The following NDST4 variants were observed in gnomAD, a reference collection of about 807,000 sequenced individuals.
The protein encoded by NDST4 is N-heparan sulfate sulfotransferase 4.
Under a neutral mutation model 100.8 loss-of-function variants are expected in NDST4, and 63 were observed. The observed-to-expected ratio is 0.62, with a 90% CI of 0.51 to 0.77. The LOEUF is 0.77. Ranked by LOEUF, NDST4 falls within the 30% of genes least tolerant of loss-of-function variation. NDST4 has a pLI of 0.00. For synonymous variants in NDST4, 377 were observed against 361.8 expected (o/e 1.04, Z -0.48); for missense variants, 943 against 1,018.4 (o/e 0.93, Z 1.01).
At chr4:114,952,687 A>T (rs975015385) in intron 4 of NDST4, among the ~76,000 whole-genome samples, 1 of 152,180 alleles carries the variant, frequency 6.6e-6, no homozygotes, top group African/African-American at 2.4e-5. Context: ...GGAGACTGCT[A>T]GAATAAGCCA....
chr4:114,895,505 C>G (rs114600804), intron 6 of NDST4, among the ~76,000 whole-genome samples: 1 of 152,110 alleles, frequency 6.6e-6, no homozygotes, highest in Non-Finnish European at 1.5e-5. Flanking sequence ...AGCCTACCAA[C>G]CAAATGAAAG....
intron 1 of NDST4, among the ~76,000 whole-genome samples, chr4:115,079,409 C>A (rs1442019587): frequency 1.3e-5 from 2 of 150,270 alleles, no homozygotes; most frequent in African/African-American, 4.9e-5. Context: ...CACGAATGGA[C>A]ATAATTTTCC....
rs1477783491 is a variant in NDST4 at position 115,008,788 on chromosome 4, T to C, written c.979-31514A>G. ...ATGATTGTATATCTAGAAAACCCCA[T>C]TGTCTCAGCCCAAAATCTCCTTAAG... On this transcript the variant is annotated intron_variant, in intron 2 of 13. Transcript: ENST00000264363. 8.6e-5 allele frequency among the ~76,000 whole-genome samples: 11 copies of C among 127,960 alleles called. 4 individuals are homozygous for C. Among genetic ancestry groups the C allele is most frequent in the South Asian group, 6.1e-4 (2 of 3,298 alleles). The allele number at this position is 127,960 out of a possible 152,430, so 83.9% of individuals were successfully genotyped here. A position where few individuals can be genotyped will look rare whatever the true frequency, so the allele number is the denominator to read the frequency against.
At chr4:115,018,273 TCA>T (rs1342501002) in intron 2 of NDST4, among the ~76,000 whole-genome samples, 20 of 151,960 alleles carry the variant, frequency 1.3e-4, no homozygotes, top group African/African-American at 4.8e-4. Flanking sequence ...TACAAACTAG[TCA>T]TTGACTAGTA....
chr4:115,097,888 G>A (rs904483487), intron 1 of NDST4, among the ~76,000 whole-genome samples: 1 of 152,092 alleles, frequency 6.6e-6, no homozygotes, highest in African/African-American at 2.4e-5. Context: ...TAGGCTTCTG[G>A]ACTTCTTGTT....
At chr4:114,954,878 G>A (rs925617488) in intron 4 of NDST4, among the ~76,000 whole-genome samples, 6 of 152,182 alleles carry the variant, frequency 3.9e-5, no homozygotes, top group Admixed American at 2.6e-4. Context: ...AAATCTGGTT[G>A]TTCGAACATG....
intron 9 of NDST4, 72 bp downstream of exon 9, chr4:114,848,143 T>C: frequency 7.8e-7 from 1 of 1,278,796 alleles, no homozygotes; most frequent in Non-Finnish European, 1.1e-6. Context: ...ATGCCACACA[T>C]ACATCTGTAA....
intron 2 of NDST4, among the ~76,000 whole-genome samples, chr4:114,978,671 G>A (rs200810726): frequency 6.6e-6 from 1 of 151,860 alleles, no homozygotes; most frequent in East Asian, 1.9e-4. Context: ...AGAATATTAT[G>A]CATTATTTCC....
intron 2 of NDST4, among the ~76,000 whole-genome samples, chr4:114,989,739 G>A (rs1321060409): frequency 6.6e-6 from 1 of 152,168 alleles, no homozygotes; most frequent in Non-Finnish European, 1.5e-5. Flanking sequence ...TTGTAGTAAA[G>A]CAGGAAGAAA....
At chr4:115,049,736 G>A (rs934459301) in intron 2 of NDST4, among the ~76,000 whole-genome samples, 1 of 152,102 alleles carries the variant, frequency 6.6e-6, no homozygotes, top group African/African-American at 2.4e-5. Context: ...TTTGGATGAT[G>A]AGGGCCAGTG....
In NDST4 at chr4:114,986,830, A is replaced by ATTTTT. The variant is rs1221108713; in HGVS notation, c.979-9557_979-9556insAAAAA. Among the ~76,000 whole-genome samples the ATTTTT allele has an allele frequency of 5.7e-4, 52 of 91,962 alleles. 1 individual carries two copies. The highest frequency in any genetic ancestry group is 2.1e-3 in the African/African-American group (48 of 23,322). The allele number at this position is 91,962 out of a possible 152,430, so 60.3% of individuals were successfully genotyped here. A position where few individuals can be genotyped will look rare whatever the true frequency, so the allele number is the denominator to read the frequency against. ...TATATATATATATATATATATATAT[A>ATTTTT]TATTTTAATATACTATTCCTATAAG... is the stretch of plus-strand genomic sequence containing the variant. On this transcript the variant is annotated intron_variant, in intron 2 of 13. Coordinates refer to ENST00000264363, the MANE Select transcript of NDST4 (RefSeq NM_022569.3).
intron 6 of NDST4, among the ~76,000 whole-genome samples, chr4:114,933,711 T>A (rs1725565725): frequency 6.6e-6 from 1 of 152,120 alleles, no homozygotes; most frequent in Non-Finnish European, 1.5e-5. Context: ...AAAATATATT[T>A]CTCAAAGGAA....
chr4:114,987,952 C>T (rs1272932402), intron 2 of NDST4, among the ~76,000 whole-genome samples: 2 of 152,124 alleles, frequency 1.3e-5, no homozygotes, highest in East Asian at 1.9e-4. Context: ...AATGTAATAG[C>T]TGTGATTTTA....
chr4:114,998,283 A>G (rs946140900), intron 2 of NDST4, among the ~76,000 whole-genome samples: 2 of 152,116 alleles, frequency 1.3e-5, no homozygotes, highest in African/African-American at 4.8e-5. Flanking sequence ...CTATATCTAC[A>G]GCCTCTTCTG....
intron 11 of NDST4, among the ~76,000 whole-genome samples, chr4:114,837,997 G>GA (rs1251469715): frequency 6.6e-6 from 1 of 152,072 alleles, no homozygotes; most frequent in Non-Finnish European, 1.5e-5. Flanking sequence ...ACCTCATCAA[G>GA]AAGTAGGCAA....
chr4:114,896,346 G>A (rs891712616), intron 6 of NDST4, among the ~76,000 whole-genome samples: 3 of 152,000 alleles, frequency 2.0e-5, no homozygotes, highest in Non-Finnish European at 2.9e-5. Context: ...CTTTTGGGCC[G>A]GGCACGGTGG....
rs115026614 is a variant in NDST4 at position 115,013,838 on chromosome 4, A to G, written c.979-36564T>C. On this transcript the variant is annotated intron_variant, in intron 2 of 13. Transcript: ENST00000264363. ...CACTGGAACTGCCTTTACCTAGGAA[A>G]GTAGTATATCATAAGCAATTCTGCA... Among the ~76,000 whole-genome samples, 988 of 152,172 alleles carry G rather than the reference A, an allele frequency of 6.5e-3. 14 individuals are homozygous for G. The highest frequency in any genetic ancestry group is 0.022 in the African/African-American group (928 of 41,544).
chr4:114,953,435 G>C (rs1207282955), intron 4 of NDST4, among the ~76,000 whole-genome samples: 1 of 152,074 alleles, frequency 6.6e-6, no homozygotes, highest in Non-Finnish European at 1.5e-5. Flanking sequence ...TGGACCAGGA[G>C]ACTGAGGAAG....
chr4:114,906,167 C>T (rs185957681), intron 6 of NDST4, among the ~76,000 whole-genome samples: 28 of 151,300 alleles, frequency 1.9e-4, no homozygotes, highest in Admixed American at 7.9e-4. Flanking sequence ...TGATATTTTG[C>T]CTCATTTAGG....
Sources: allele counts gnomAD v4.1 joint callset (sites outside exome capture counted in the v4.1 genomes callset), GRCh38; gene constraint gnomAD v4.1.1; transcripts MANE v1.5; gene names NCBI Gene and HGNC (gene_info 2026-07-23, HGNC 2026-07-21).